The following ACOX3 variants were observed in gnomAD, a reference collection of about 807,000 sequenced individuals.
ACOX3 encodes acyl-CoA oxidase 3, pristanoyl.
A neutral mutation model predicts 81.5 loss-of-function variants in ACOX3; 73 were observed. The ratio of observed to expected loss-of-function variants is 0.90; its 90% CI spans 0.74 to 1.09. The LOEUF (loss-of-function observed/expected upper bound fraction) is 1.09. Ranked by LOEUF, ACOX3 falls within the 50% of genes least tolerant of loss-of-function variation. ACOX3 has a pLI of 0.00. For missense variants in ACOX3, 947 were observed against 928.0 expected (o/e 1.02, Z -0.27); for synonymous variants, 387 against 375.1 (o/e 1.03, Z -0.37).
At chr4:8,373,425 A>G (rs1234491939) in intron 16 of ACOX3, 136 bp downstream of exon 16, 1 of 863,334 alleles carries the variant, frequency 1.2e-6, no homozygotes, top group Non-Finnish European at 1.8e-6. Context: ...GCTCTGGGTG[A>G]CGCTAAGGGG....
At chr4:8,438,676 CTCTGTT>C (rs1724390645) in intron 1 of ACOX3, 1 of 152,192 alleles carries the variant, frequency 6.6e-6, no homozygotes, top group African/African-American at 2.4e-5. Context: ...AATCTAGTGA[CTCTGTT>C]TAAGTTAAAA....
intron 7 of ACOX3, among the ~76,000 whole-genome samples, chr4:8,401,182 A>G (rs535669652): frequency 6.6e-6 from 1 of 152,216 alleles, no homozygotes; most frequent in East Asian, 1.9e-4. Flanking sequence ...GAGTGGCTAT[A>G]AACACAGAGG....
At chr4:8,391,031 G>GTGTATGTGTATATGTATATGTATA (rs1718930363) in intron 11 of ACOX3, among the ~76,000 whole-genome samples, 1 of 148,116 alleles carries the variant, frequency 6.8e-6, no homozygotes, top group Non-Finnish European at 1.5e-5. Flanking sequence ...GTATATGTAT[G>GTGTATGTGTATATGTATATGTATA]TGTATATGTA....
At chr4:8,397,288 G>A (rs1013511001) in intron 8 of ACOX3, among the ~76,000 whole-genome samples, 169 bp from the exon 9 acceptor site, 10 of 152,344 alleles carry the variant, frequency 6.6e-5, no homozygotes, top group Admixed American at 2.0e-4. Context: ...CGGCAGGCGG[G>A]TAGAGATGTC....
intron 5 of ACOX3, among the ~76,000 whole-genome samples, chr4:8,411,042 C>CGCTGGG (rs1421982182): frequency 6.6e-6 from 1 of 152,194 alleles, no homozygotes; most frequent in Non-Finnish European, 1.5e-5. Context: ...GGAGCTGGGC[C>CGCTGGG]GCTGGGGCTG....
intron 1 of ACOX3, among the ~76,000 whole-genome samples, chr4:8,421,338 T>G (rs1722923159): frequency 6.6e-6 from 1 of 152,244 alleles, no homozygotes; most frequent in African/African-American, 2.4e-5. Context: ...CCTTTTGGGT[T>G]GGGAGCATTG....
In ACOX3 at chr4:8,368,105, C is replaced by T. The variant is rs983347323; in HGVS notation, c.1984-1025G>A. Among the ~76,000 whole-genome samples the T allele has an allele frequency of 2.6e-5, 4 of 152,234 alleles. No individual in the cohort carries two copies. The highest frequency in any genetic ancestry group is 6.5e-5 in the Admixed American group (1 of 15,292). On this transcript the variant is annotated intron_variant, in intron 17 of 17. Coordinates refer to ENST00000356406, the MANE Select transcript of ACOX3 (RefSeq NM_003501.3). The surrounding 1 kb of genome is among the most constrained non-coding windows in gnomAD (Gnocchi z 5.9). ...ACTGCTGCTCTGAAATCTGCTCTCA[C>T]ACCCCAGGCCGCTACAGGCCGCACA...
intron 1 of ACOX3, among the ~76,000 whole-genome samples, chr4:8,417,674 TA>T (rs1722490575): frequency 6.6e-6 from 1 of 152,090 alleles, no homozygotes; most frequent in Admixed American, 6.5e-5. Flanking sequence ...CCTTCCTTCT[TA>T]AAGCAGAAGG....
rs780165214 is a variant in ACOX3 at position 8,366,924 on chromosome 4, C to A, written c.*37G>T. ...AGGTCCACGTCTGATTAGTTCCCTTCGTTTCATTAGACTTGGCTGAATGTG... is the reference window on the plus strand; with the variant it reads ...AGGTCCACGTCTGATTAGTTCCCTTAGTTTCATTAGACTTGGCTGAATGTG... On this transcript the variant is annotated 3_prime_UTR_variant, in exon 18 of 18. Transcript: ENST00000356406. 1 of 1,610,334 alleles carries A rather than the reference C, an allele frequency of 6.2e-7. No homozygotes were observed. The highest frequency in any genetic ancestry group is 1.3e-5 in the African/African-American group (1 of 74,962).
the ACOX3 span, among the ~76,000 whole-genome samples, chr4:8,360,620 C>T: frequency 6.6e-6 from 1 of 151,970 alleles, no homozygotes; most frequent in Non-Finnish European, 1.5e-5. Flanking sequence ...TACAGGCACC[C>T]GCCACCACGC....
rs1013009755 is a variant in ACOX3, at chr4:8,417,075, G to A, written c.-14-540C>T. On this transcript the variant is annotated intron_variant, in intron 1 of 17. Coordinates refer to ENST00000356406, the MANE Select transcript of ACOX3 (RefSeq NM_003501.3). ...CAGGCTTCTGCACTGGCTTCTCCTC[G>A]ACATATAGACACCTGGCTTCCCGCT... 3.3e-5 allele frequency among the ~76,000 whole-genome samples: 5 copies of A among 152,320 alleles called. No homozygotes were observed. The South Asian group carries it at 8.3e-4, about 25-fold the overall frequency.
intron 7 of ACOX3, among the ~76,000 whole-genome samples, chr4:8,404,336 T>C (rs928129048): frequency 6.6e-6 from 1 of 152,026 alleles, no homozygotes; most frequent in Non-Finnish European, 1.5e-5. Flanking sequence ...CAACATTAAC[T>C]AGCAGGTTCC....
chr4:8,377,693 G>A (rs886431271), intron 14 of ACOX3, among the ~76,000 whole-genome samples: 1 of 152,318 alleles, frequency 6.6e-6, no homozygotes, highest in Non-Finnish European at 1.5e-5. Context: ...ACAGGCTCTG[G>A]GGATGGGCTC....
rs1005891965 is a variant in ACOX3 at position 8,419,035 on chromosome 4, G to A, written c.-14-2500C>T. ...TACTAAATGCCGGCTATAGTGGCAC[G>A]TGCCTGTGGTCCCAGCTACTCTGGG... On this transcript the variant is annotated intron_variant, in intron 1 of 17. Coordinates refer to ENST00000356406, the MANE Select transcript of ACOX3 (RefSeq NM_003501.3). This position sits in a 1 kb window ranked among gnomAD's most constrained non-coding sequence, Gnocchi z 4.2. Among the ~76,000 whole-genome samples, 2 of 152,200 alleles carry A rather than the reference G, an allele frequency of 1.3e-5. No homozygotes were observed. The highest frequency in any genetic ancestry group is 2.4e-5 in the African/African-American group (1 of 41,520).
rs1313983721 is a variant in ACOX3 at position 8,423,700 on chromosome 4, G to A, written c.-14-7165C>T. On this transcript the variant is annotated intron_variant, in intron 1 of 17. Transcript: ENST00000356406. This position sits in a 1 kb window ranked among gnomAD's most constrained non-coding sequence, Gnocchi z 4.2. ...TCTGCTTTCCCAAATACCAGAGGAAGCAGAGTGGTTTACAGTCCTGGACCT... is the reference window on the plus strand; with the variant it reads ...TCTGCTTTCCCAAATACCAGAGGAAACAGAGTGGTTTACAGTCCTGGACCT... Among the ~76,000 whole-genome samples, 1 of 152,202 alleles carries A rather than the reference G, an allele frequency of 6.6e-6. No homozygotes were observed. Among genetic ancestry groups the A allele is most frequent in the African/African-American group, 2.4e-5 (1 of 41,448 alleles).
chr4:8,408,056 C>T lies in ACOX3; in HGVS notation c.688-2013G>A, dbSNP rs1721206141. Among the ~76,000 whole-genome samples the T allele has an allele frequency of 2.6e-5, 4 of 152,310 alleles. No individual in the cohort carries two copies. In the South Asian group the frequency reaches 8.3e-4, roughly 32 times the overall value. On this transcript the variant is annotated intron_variant, in intron 6 of 17. Transcript: ENST00000356406. ...CAAAGTGGAAAAGCTGCTTTAGAGACACATGGAGGTGGTGCTACGGGGAAT... is the reference window on the plus strand; with the variant it reads ...CAAAGTGGAAAAGCTGCTTTAGAGATACATGGAGGTGGTGCTACGGGGAAT...
intron 17 of ACOX3, 71 bp from the exon 18 acceptor site, chr4:8,367,151 G>A (rs1715559723): frequency 4.5e-6 from 7 of 1,570,294 alleles, no homozygotes; most frequent in East Asian, 2.3e-5. Flanking sequence ...ACGGCTGAGT[G>A]TGCAAATGCA....
intron 1 of ACOX3, among the ~76,000 whole-genome samples, chr4:8,436,999 A>C (rs1161017126): frequency 6.8e-6 from 1 of 147,744 alleles, no homozygotes; most frequent in Non-Finnish European, 1.5e-5. Context: ...CTCAAAAAAA[A>C]AAAAAAAATC....
rs926586180 is a variant in ACOX3 at position 8,370,572 on chromosome 4, C to G, written c.1983+336G>C. Among the ~76,000 whole-genome samples the G allele has an allele frequency of 3.3e-5, 5 of 151,372 alleles. No individual in the cohort carries two copies. The highest frequency in any genetic ancestry group is 4.9e-5 in the African/African-American group (2 of 41,130). On this transcript the variant is annotated intron_variant, in intron 17 of 17. Coordinates refer to ENST00000356406, the MANE Select transcript of ACOX3 (RefSeq NM_003501.3). This position sits in a 1 kb window ranked among gnomAD's most constrained non-coding sequence, Gnocchi z 6.3. ...GGAGCATGGTCAGATGGGGGTAAGA[C>G]CTGGGACCGGGGAGGCCGGGGGGAG...
Sources: allele counts gnomAD v4.1 joint callset (sites outside exome capture counted in the v4.1 genomes callset), GRCh38; gene constraint gnomAD v4.1.1; non-coding constraint Gnocchi (gnomAD v3.1); transcripts MANE v1.5; gene names NCBI Gene and HGNC (gene_info 2026-07-23, HGNC 2026-07-21).